SPPL3: variants seen among roughly 807,000 people sequenced by gnomAD.
SPPL3 encodes signal peptide peptidase-like 3.
In SPPL3, 5 loss-of-function variants were observed where a neutral mutation model predicts 42.4. That is an observed-to-expected ratio of 0.12 (90% CI 0.06 to 0.25). The LOEUF is 0.25. SPPL3 is among the 10% of genes least tolerant of loss of function. The pLI is 1.00. For synonymous variants in SPPL3, 195 were observed against 181.8 expected, an observed-to-expected ratio of 1.07 and a Z score of -0.58; for missense variants, 235 against 489.0, an observed-to-expected ratio of 0.48 and a Z score of 4.90.
chr12:120,784,737 T>C, intron 3 of SPPL3, 144 bp from the exon 4 acceptor site: 1 of 544,372 alleles, frequency 1.8e-6, no homozygotes, highest in Non-Finnish European at 3.2e-6. Context: ...TATGAGTCTT[T>C]CTTTCCCAAC....
chr12:120,861,003 G>A (rs1593000266), intron 1 of SPPL3, among the ~76,000 whole-genome samples: 2 of 152,148 alleles, frequency 1.3e-5, no homozygotes, highest in South Asian at 4.2e-4. Flanking sequence ...GGCTCCACAG[G>A]ACTCTCATAT....
intron 1 of SPPL3, among the ~76,000 whole-genome samples, chr12:120,816,892 CTA>C (rs1424209771): frequency 1.3e-5 from 2 of 152,146 alleles, no homozygotes; most frequent in Non-Finnish European, 2.9e-5. Flanking sequence ...CAGTAATTAG[CTA>C]TGTAATCCTC....
At chr12:120,903,009 A>C (rs1593019835) in intron 1 of SPPL3, among the ~76,000 whole-genome samples, 1 of 152,110 alleles carries the variant, frequency 6.6e-6, no homozygotes, top group Non-Finnish European at 1.5e-5. Context: ...ACTACACAGT[A>C]GCTTCTCGCT....
chr12:120,835,571 C>G (rs10849798), intron 1 of SPPL3: 1 of 152,310 alleles, frequency 6.6e-6, no homozygotes, highest in Non-Finnish European at 1.5e-5. Context: ...AAATGTTTTA[C>G]TGGTTTCATT....
chr12:120,828,136 C>A (rs1470019690), intron 1 of SPPL3, among the ~76,000 whole-genome samples: 2 of 152,106 alleles, frequency 1.3e-5, no homozygotes, highest in Non-Finnish European at 2.9e-5. Context: ...AATATGCTCT[C>A]CAACTACAAT....
intron 1 of SPPL3, among the ~76,000 whole-genome samples, chr12:120,842,610 G>C (rs965755833): frequency 6.6e-6 from 1 of 151,884 alleles, no homozygotes; most frequent in African/African-American, 2.4e-5. Flanking sequence ...TGTCTGGTGA[G>C]GACTCACTCT....
intron 2 of SPPL3, among the ~76,000 whole-genome samples, chr12:120,798,002 A>G (rs980290100): frequency 6.6e-6 from 1 of 152,198 alleles, no homozygotes; most frequent in African/African-American, 2.4e-5. Context: ...AGGATAATCT[A>G]TGAAGTAGAG....
chr12:120,835,414 C>T (rs770874561), intron 1 of SPPL3: 1 of 152,188 alleles, frequency 6.6e-6, no homozygotes, highest in Non-Finnish European at 1.5e-5. Flanking sequence ...CAAGCTTGTT[C>T]GTTAGTCATA....
chr12:120,865,975 G>A (rs1391668745), intron 1 of SPPL3, among the ~76,000 whole-genome samples: 7 of 152,146 alleles, frequency 4.6e-5, no homozygotes, highest in East Asian at 1.9e-4. Flanking sequence ...CTGTGCATGC[G>A]AGGGATCTAG....
intron 1 of SPPL3, among the ~76,000 whole-genome samples, chr12:120,846,604 A>T (rs933561983): frequency 2.1e-4 from 32 of 152,360 alleles, no homozygotes; most frequent in African/African-American, 6.0e-4. Flanking sequence ...GCTATTTAAG[A>T]GTGGAAAGAG....
At position 120,865,931 on chromosome 12, in the gene SPPL3, T is replaced by C. The variant is rs183380303; in HGVS notation, c.23+37914A>G. 2.0e-5 allele frequency among the ~76,000 whole-genome samples: 3 copies of C among 152,306 alleles called. No homozygotes were observed. In the East Asian group the frequency reaches 5.8e-4, roughly 29 times the overall value. ...CCTCCTGTCAGATCAGCAGTGGCATTAGATTCTCATAGGAGTGAGAACCCT... is the reference window on the plus strand; with the variant it reads ...CCTCCTGTCAGATCAGCAGTGGCATCAGATTCTCATAGGAGTGAGAACCCT... On this transcript the variant is annotated intron_variant, in intron 1 of 10. Transcript: ENST00000353487.
rs538071140 is a variant in SPPL3 at position 120,785,535 on chromosome 12, T to C, written c.191-942A>G. ...GTATTTTTGGTAGAGAAGGAAAACA[T>C]GGCAAACTCTAATAACCACTGAATG... On this transcript the variant is annotated intron_variant, in intron 3 of 10. Transcript: ENST00000353487. Among the ~76,000 whole-genome samples the C allele has an allele frequency of 4.6e-5, 7 of 152,124 alleles. No homozygotes were observed. In the South Asian group the frequency reaches 8.3e-4, roughly 18 times the overall value.
intron 1 of SPPL3, among the ~76,000 whole-genome samples, chr12:120,870,121 T>C (rs1437371652): frequency 6.6e-6 from 1 of 151,992 alleles, no homozygotes; most frequent in Non-Finnish European, 1.5e-5. Context: ...AAAGAACACA[T>C]CTTCAGATTC....
intron 3 of SPPL3, among the ~76,000 whole-genome samples, chr12:120,786,958 T>C (rs1869742434): frequency 6.6e-6 from 1 of 152,162 alleles, no homozygotes; most frequent in Admixed American, 6.5e-5. Context: ...ACATAGGAAA[T>C]AGGCTTGGTA....
intron 9 of SPPL3, 67 bp downstream of exon 9, chr12:120,767,327 G>A: frequency 6.5e-7 from 1 of 1,526,832 alleles, no homozygotes; most frequent in Middle Eastern, 2.4e-4. Flanking sequence ...TAGAAGACCT[G>A]ATTTAATTCC....
chr12:120,779,295 T>G (rs1340281821), intron 6 of SPPL3, among the ~76,000 whole-genome samples: 3 of 152,082 alleles, frequency 2.0e-5, no homozygotes, highest in Admixed American at 2.0e-4. Context: ...CCCCAACACC[T>G]CTGAGCCAGC....
At chr12:120,774,351 C>T (rs971242619) in intron 6 of SPPL3, among the ~76,000 whole-genome samples, 1 of 152,190 alleles carries the variant, frequency 6.6e-6, no homozygotes, top group African/African-American at 2.4e-5. Flanking sequence ...CTGAAGGTCA[C>T]CAGGTTCCCT....
Position 120,762,766 on chromosome 12 carries a change from G to A in SPPL3, c.*2233C>T, listed in dbSNP as rs1414313787. On this transcript the variant is annotated 3_prime_UTR_variant, in exon 11 of 11. Coordinates refer to ENST00000353487, the MANE Select transcript of SPPL3 (RefSeq NM_139015.5). ...CTGCCACCATGCCCAGCTAATTTTT[G>A]TGTTTTTAGTAGAGACGGGGTTTCA... The A allele has an allele frequency of 1.3e-5, 2 of 152,014 alleles. No individual in the cohort carries two copies. The highest frequency in any genetic ancestry group is 1.5e-5 in the Non-Finnish European group (1 of 68,008). 9.4% of individuals were successfully genotyped at this position (152,014 alleles called of 1,614,324 possible). A position where few individuals can be genotyped will look rare whatever the true frequency, so the allele number is the denominator to read the frequency against.
intron 1 of SPPL3, among the ~76,000 whole-genome samples, chr12:120,858,380 C>T (rs1039984369): frequency 4.0e-5 from 6 of 151,220 alleles, no homozygotes; most frequent in South Asian, 2.1e-4. Flanking sequence ...CGCTTGAACC[C>T]GGGAAGCGGA....
Sources: allele counts gnomAD v4.1 joint callset (sites outside exome capture counted in the v4.1 genomes callset), GRCh38; gene constraint gnomAD v4.1.1; transcripts MANE v1.5; gene names NCBI Gene and HGNC (gene_info 2026-07-23, HGNC 2026-07-21).